The following SGCZ variants were observed in gnomAD, a reference collection of about 807,000 sequenced individuals.
SGCZ encodes sarcoglycan zeta, also known as zeta-sarcoglycan.
In SGCZ, 40 loss-of-function variants were observed where a neutral mutation model predicts 41.3. That is an observed-to-expected ratio of 0.97 (90% CI 0.75 to 1.26). SGCZ has a LOEUF of 1.26. SGCZ is among the 50% of genes most tolerant of loss of function. The probability of loss-of-function intolerance (pLI) is 0.00; values close to 1 mark genes in which losing one functional copy is unlikely to be tolerated. For synonymous variants in SGCZ, 206 were observed against 137.5 expected (o/e 1.50, Z -3.49); for missense variants, 552 against 369.8 (o/e 1.49, Z -4.04).
intron 1 of SGCZ, among the ~76,000 whole-genome samples, chr8:14,706,961 A>G (rs948949082): frequency 6.6e-6 from 1 of 150,908 alleles, no homozygotes; most frequent in Non-Finnish European, 1.5e-5. Context: ...ACAAAACTTT[A>G]TGTTGTCATT....
At chr8:14,603,769 A>C (rs1292864698) in intron 1 of SGCZ, among the ~76,000 whole-genome samples, 2 of 152,110 alleles carry the variant, frequency 1.3e-5, no homozygotes, top group Non-Finnish European at 2.9e-5. Flanking sequence ...TCTCCCAAAA[A>C]ATTATACCCT....
At position 14,784,933 on chromosome 8, in the gene SGCZ, T is replaced by TAA. The variant is rs33996345; in HGVS notation, c.40-230009_40-230008dup. ...AAAAAAATATATATATATATATATA[T>TAA]AAAATATATATATTTTTTATATTAT... On this transcript the variant is annotated intron_variant, in intron 1 of 7. Coordinates refer to ENST00000382080, the MANE Select transcript of SGCZ (RefSeq NM_139167.4). Among the ~76,000 whole-genome samples the TAA allele has an allele frequency of 4.1e-5, 4 of 97,360 alleles. 1 individual carries two copies. The highest frequency in any genetic ancestry group is 6.8e-4 in the South Asian group (2 of 2,958). The allele number at this position is 97,360 out of a possible 152,430, so 63.9% of individuals were successfully genotyped here. A position where few individuals can be genotyped will look rare whatever the true frequency, so the allele number is the denominator to read the frequency against.
At chr8:14,166,610 G>A (rs775281489) in intron 4 of SGCZ, among the ~76,000 whole-genome samples, 17 of 152,062 alleles carry the variant, frequency 1.1e-4, no homozygotes, top group Non-Finnish European at 2.1e-4. Context: ...GAGCATAATT[G>A]ATTCTCAAAA....
intron 2 of SGCZ, among the ~76,000 whole-genome samples, chr8:14,433,808 T>A (rs6986126): frequency 6.6e-6 from 1 of 152,088 alleles, no homozygotes; most frequent in African/African-American, 2.4e-5. Context: ...CTGAATAAAC[T>A]GAAATGTCCG....
At chr8:15,230,634 C>T (rs923153149) in intron 1 of SGCZ, among the ~76,000 whole-genome samples, 4 of 152,228 alleles carry the variant, frequency 2.6e-5, no homozygotes, top group African/African-American at 9.6e-5. Context: ...AGACTCTGAG[C>T]CCTGGAAGAC....
intron 1 of SGCZ, among the ~76,000 whole-genome samples, chr8:14,842,177 A>G (rs1165338268): frequency 6.6e-6 from 1 of 152,208 alleles, no homozygotes; most frequent in Non-Finnish European, 1.5e-5. Context: ...AATCTTCTGA[A>G]GTAAATGGAG....
chr8:14,519,461 T>A (rs1332809802), intron 2 of SGCZ, among the ~76,000 whole-genome samples: 1 of 152,138 alleles, frequency 6.6e-6, no homozygotes, highest in Non-Finnish European at 1.5e-5. Flanking sequence ...TAAGATAAAC[T>A]ATAATATAAT....
chr8:14,714,480 T>C (rs191317819), intron 1 of SGCZ, among the ~76,000 whole-genome samples: 4 of 152,208 alleles, frequency 2.6e-5, no homozygotes, highest in African/African-American at 9.6e-5. Context: ...AAAAGCTATA[T>C]GGAATATTTT....
chr8:14,943,380 A>G (rs1038788518), intron 1 of SGCZ, among the ~76,000 whole-genome samples: 2 of 152,182 alleles, frequency 1.3e-5, no homozygotes, highest in Admixed American at 6.5e-5. Context: ...GGCACTAAGT[A>G]CCTTGTATTC....
intron 3 of SGCZ, among the ~76,000 whole-genome samples, chr8:14,245,258 T>G (rs529062208): frequency 1.0e-3 from 152 of 152,222 alleles, no homozygotes; most frequent in African/African-American, 3.4e-3. Flanking sequence ...TATAGATCAA[T>G]GGAACAGAAC....
chr8:14,711,725 T>C (rs1809525072), intron 1 of SGCZ, among the ~76,000 whole-genome samples: 1 of 152,174 alleles, frequency 6.6e-6, no homozygotes, highest in African/African-American at 2.4e-5. Context: ...TAGTCCTTTT[T>C]TGTGCTGACT....
intron 1 of SGCZ, among the ~76,000 whole-genome samples, chr8:14,831,805 T>TATATATGTGTACACATACATGC (rs1491286944): frequency 7.4e-6 from 1 of 134,984 alleles, no homozygotes; most frequent in Non-Finnish European, 1.6e-5. Flanking sequence ...CACATACATG[T>TATATATGTGTACACATACATGC]ATATATGTGT....
intron 1 of SGCZ, among the ~76,000 whole-genome samples, chr8:14,639,780 CT>C (rs1293700510): frequency 8.7e-5 from 13 of 148,658 alleles, no homozygotes; most frequent in South Asian, 2.1e-4. Flanking sequence ...ATGTGAGAGA[CT>C]TTTTTTTTTC....
chr8:14,882,323 T>C (rs1380516531), intron 1 of SGCZ, among the ~76,000 whole-genome samples: 2 of 151,640 alleles, frequency 1.3e-5, no homozygotes, highest in Admixed American at 6.6e-5. Flanking sequence ...ATAAATTATA[T>C]GCATTTAAAA....
At chr8:14,285,219 C>A (rs543768359) in intron 3 of SGCZ, among the ~76,000 whole-genome samples, 2 of 152,196 alleles carry the variant, frequency 1.3e-5, no homozygotes, top group Admixed American at 1.3e-4. Flanking sequence ...ATATATGTGT[C>A]ATTTCATTCA....
In SGCZ at chr8:14,189,351, A is replaced by G. The variant is rs1805016856; in HGVS notation, c.425-24649T>C. Among the ~76,000 whole-genome samples the G allele has an allele frequency of 1.3e-5, 2 of 152,138 alleles. 1 individual carries two copies. The highest frequency in any genetic ancestry group is 4.1e-4 in the South Asian group (2 of 4,826). ...CCTTTTCGTTTCAAATCCCTTCAAC[A>G]GCTCCTTATATTACTCAGAACACAT... On this transcript the variant is annotated intron_variant, in intron 4 of 7. Coordinates refer to ENST00000382080, the MANE Select transcript of SGCZ (RefSeq NM_139167.4).
intron 2 of SGCZ, among the ~76,000 whole-genome samples, chr8:14,497,925 T>G (rs527392534): frequency 6.6e-6 from 1 of 152,310 alleles, no homozygotes; most frequent in Non-Finnish European, 1.5e-5. Context: ...TACAACCATT[T>G]ACTTTCCCAT....
At chr8:14,100,237 C>A (rs867719268) in intron 7 of SGCZ, among the ~76,000 whole-genome samples, 26 of 151,464 alleles carry the variant, frequency 1.7e-4, no homozygotes, top group Non-Finnish European at 7.4e-5. Flanking sequence ...GCACAATACT[C>A]ATTTGACAAT....
At chr8:15,117,172 C>T (rs1807299219) in intron 1 of SGCZ, among the ~76,000 whole-genome samples, 2 of 151,930 alleles carry the variant, frequency 1.3e-5, no homozygotes, top group African/African-American at 4.8e-5. Flanking sequence ...GAGATCGAGA[C>T]CACGGTGAAA....
Sources: gnomAD v4.1 joint callset for allele counts (sites outside exome capture counted in the v4.1 genomes callset) on GRCh38, gnomAD v4.1.1 for gene constraint, MANE v1.5 for transcripts, NCBI Gene and HGNC (gene_info 2026-07-23, HGNC 2026-07-21) for gene names.